Variants in BRSK2 observed in about 807,000 individuals in gnomAD.
BRSK2 encodes the protein serine/threonine-protein kinase BRSK2.
Under a neutral mutation model 83.3 loss-of-function variants are expected in BRSK2, and 19 were observed. The observed-to-expected ratio is 0.23, with a 90% confidence interval of 0.16 to 0.33. The LOEUF is 0.33. BRSK2 is among the 10% of genes least tolerant of loss of function. BRSK2 has a pLI of 1.00. For missense variants in BRSK2, 798 were observed against 1,042.3 expected, an observed-to-expected ratio of 0.77 and a Z score of 3.23; for synonymous variants, 519 against 435.4, an observed-to-expected ratio of 1.19 and a Z score of -2.39.
intron 4 of BRSK2, 122 bp downstream of exon 4, chr11:1,441,050 GC>G: frequency 1.2e-6 from 1 of 802,658 alleles, no homozygotes; most frequent in Non-Finnish European, 1.9e-6. Flanking sequence ...GGTACACCAT[GC>G]CCCCCATTAG....
chr11:1,435,898 C>T (rs111953313), intron 1 of BRSK2, 142 bp from the exon 2 acceptor site: 9 of 595,760 alleles, frequency 1.5e-5, no homozygotes, highest in African/African-American at 3.8e-5. Context: ...GCGACCCAGG[C>T]GGGCAGGGGC....
chr11:1,439,225 C>A (rs1204393699), intron 3 of BRSK2, among the ~76,000 whole-genome samples: 1 of 152,090 alleles, frequency 6.6e-6, no homozygotes, highest in Non-Finnish European at 1.5e-5. Context: ...CTGGCTGAAC[C>A]CAGCAGCTCC....
At chr11:1,392,733 G>A (rs923965031) in intron 1 of BRSK2, among the ~76,000 whole-genome samples, 1 of 152,232 alleles carries the variant, frequency 6.6e-6, no homozygotes, top group African/African-American at 2.4e-5. Flanking sequence ...CGCAGGGTCC[G>A]GTCGGCTGTC....
intron 1 of BRSK2, among the ~76,000 whole-genome samples, chr11:1,429,353 C>A (rs1217558275): frequency 6.6e-6 from 1 of 150,992 alleles, no homozygotes; most frequent in Non-Finnish European, 1.5e-5. Context: ...TGCATGTGCA[C>A]TCGGTGTGTG....
chr11:1,457,797 G>A (rs1846805855), intron 18 of BRSK2, among the ~76,000 whole-genome samples: 1 of 151,978 alleles, frequency 6.6e-6, no homozygotes, highest in Non-Finnish European at 1.5e-5. Flanking sequence ...ATCACCTGTG[G>A]GAGCCCCCCC....
chr11:1,438,362 G>A lies in BRSK2; in HGVS notation c.243G>A (p.Leu81=), dbSNP rs1248795609. The part of the protein sequence containing the change: ...KLIEHPHVLK[L]HDVYENKKYL... ...TTGAGCACCCCCACGTCCTAAAGCT[G>A]CACGACGTTTATGAAAACAAAAAAT... is the stretch of plus-strand genomic sequence containing the variant. The change falls in exon 3 of 20, where the codon CTG becomes CTA. Residue 81 remains leucine, a synonymous_variant. Coordinates refer to ENST00000528841, the MANE Select transcript of BRSK2 (RefSeq NM_001256627.2). The surrounding 1 kb of genome is among the most constrained non-coding windows in gnomAD (Gnocchi z 6.4). 2 of 1,614,104 alleles carry A rather than the reference G, an allele frequency of 1.2e-6. No homozygotes were observed. The highest frequency in any genetic ancestry group is 1.7e-6 in the Non-Finnish European group (2 of 1,179,966).
intron 12 of BRSK2, among the ~76,000 whole-genome samples, chr11:1,447,233 T>C (rs952755759): frequency 6.6e-6 from 1 of 152,164 alleles, no homozygotes; most frequent in South Asian, 2.1e-4. Flanking sequence ...GTGGCCTGCA[T>C]GTCATGGGGG....
intron 1 of BRSK2, among the ~76,000 whole-genome samples, chr11:1,394,100 T>G (rs1845906619): frequency 8.5e-6 from 1 of 117,340 alleles, no homozygotes; most frequent in Non-Finnish European, 1.7e-5. Context: ...TCCCTGGAGA[T>G]GGGCCATGGA....
At chr11:1,408,837 C>T (rs1847114423) in intron 1 of BRSK2, among the ~76,000 whole-genome samples, 1 of 116,854 alleles carries the variant, frequency 8.6e-6, no homozygotes, top group Non-Finnish European at 1.9e-5. Context: ...GTGTGTGTGG[C>T]TGTGCTGGGG....
At chr11:1,450,857 G>A in intron 14 of BRSK2, 63 bp downstream of exon 14, 2 of 1,452,660 alleles carry the variant, frequency 1.4e-6, no homozygotes, top group Non-Finnish European at 1.8e-6. Context: ...CCTTGGGGAG[G>A]GCCCCGCCCG....
At chr11:1,458,100 T>C (rs1184397617) in intron 18 of BRSK2, among the ~76,000 whole-genome samples, 2 of 152,132 alleles carry the variant, frequency 1.3e-5, no homozygotes, top group Non-Finnish European at 2.9e-5. Context: ...GGCAGCCACC[T>C]AGGCCAGGGA....
intron 12 of BRSK2, among the ~76,000 whole-genome samples, chr11:1,446,781 G>A (rs1218199068): frequency 1.3e-5 from 2 of 152,214 alleles, no homozygotes; most frequent in African/African-American, 4.8e-5. Flanking sequence ...CCAACACTTG[G>A]GGACAGCCCT....
Position 1,445,654 on chromosome 11 carries a change from C to G in BRSK2, c.1061C>G (p.Pro354Arg), listed in dbSNP as rs746803578. The change falls in exon 11 of 20, where the codon CCC (proline) becomes CGC (arginine). Residue 354 changes from proline to arginine, a missense_variant. Transcript: ENST00000528841. ...YPSQEDEDLP[P>R]RNEIDPPRKR... is the part of the protein sequence containing the mutation. Reference sequence around the variant, plus strand: ...AGCCAGGAGGATGAGGACCTGCCCCCCCGGAACGAGATAGGTATGGGTCCA... The same window carrying G: ...AGCCAGGAGGATGAGGACCTGCCCCGCCGGAACGAGATAGGTATGGGTCCA... 1.9e-6 allele frequency: 3 copies of G among 1,596,836 alleles called. No homozygotes were observed. The highest frequency in any genetic ancestry group is 1.7e-5 in the Admixed American group (1 of 57,260).
rs540838632 is a variant in BRSK2, at chr11:1,395,037, C to T, written c.91+4662C>T. Among the ~76,000 whole-genome samples the T allele has an allele frequency of 1.6e-4, 25 of 152,174 alleles. 1 individual carries two copies. The highest frequency in any genetic ancestry group is 1.4e-3 in the Admixed American group (22 of 15,294). The stretch of plus-strand genomic sequence containing the variant: ...GCTGTGCAGGGCTGAGCCCGGAGAG[C>T]GCATGGGTAGACAGGACCCGGCAGC... On this transcript the variant is annotated intron_variant, in intron 1 of 19. Transcript: ENST00000528841.
intron 1 of BRSK2, among the ~76,000 whole-genome samples, chr11:1,401,614 C>T (rs1846483379): frequency 6.6e-6 from 1 of 152,270 alleles, no homozygotes; most frequent in Non-Finnish European, 1.5e-5. Flanking sequence ...TGCCCGTCCT[C>T]TCTGGTCTCC....
chr11:1,424,115 G>A (rs1046096493), intron 1 of BRSK2, among the ~76,000 whole-genome samples: 4 of 152,206 alleles, frequency 2.6e-5, no homozygotes, highest in Non-Finnish European at 5.9e-5. Flanking sequence ...TCTTTTGGGG[G>A]TCACCATTCC....
intron 1 of BRSK2, among the ~76,000 whole-genome samples, chr11:1,424,319 G>T (rs1478525332): frequency 2.6e-5 from 4 of 151,892 alleles, no homozygotes; most frequent in East Asian, 2.0e-4. Context: ...TGCCTCATGT[G>T]GGGGGTGCCC....
intron 19 of BRSK2, 47 bp from the exon 20 acceptor site, chr11:1,460,448 TTTTTC>T (rs1326563550): frequency 1.7e-6 from 2 of 1,154,812 alleles, no homozygotes; most frequent in Non-Finnish European, 2.2e-6. Flanking sequence ...CTCCCCCTTT[TTTTTC>T]TTTTTTCCTT....
intron 1 of BRSK2, among the ~76,000 whole-genome samples, chr11:1,415,180 C>A (rs796967377): frequency 6.6e-6 from 1 of 150,414 alleles, no homozygotes; most frequent in Non-Finnish European, 1.5e-5. Flanking sequence ...CTGCAAGCTC[C>A]GCCTCCAGGG....
Sources: allele counts gnomAD v4.1 joint callset (sites outside exome capture counted in the v4.1 genomes callset), GRCh38; gene constraint gnomAD v4.1.1; non-coding constraint Gnocchi (gnomAD v3.1); transcripts MANE v1.5; gene names NCBI Gene and HGNC (gene_info 2026-07-23, HGNC 2026-07-21).